FRMD4B: variants seen among roughly 807,000 people sequenced by gnomAD.
FRMD4B encodes the protein FERM domain-containing protein 4B.
Under a neutral mutation model 141.5 loss-of-function variants are expected in FRMD4B, and 74 were observed. That is an observed-to-expected ratio of 0.52 (90% CI 0.43 to 0.63). The LOEUF (loss-of-function observed/expected upper bound fraction) is 0.63. Among genes scored for constraint, FRMD4B ranks in the 30% least tolerant of loss-of-function variants. The probability of loss-of-function intolerance (pLI) is 0.00; values close to 1 mark genes in which losing one functional copy is unlikely to be tolerated. For missense variants in FRMD4B, 1,366 were observed against 1,253.4 expected (o/e 1.09, Z -1.36); for synonymous variants, 506 against 467.9 (o/e 1.08, Z -1.05).
chr3:69,521,837 C>T (rs1337600739), intron 1 of FRMD4B, among the ~76,000 whole-genome samples: 1 of 152,174 alleles, frequency 6.6e-6, no homozygotes, highest in Non-Finnish European at 1.5e-5. Context: ...AAATGTCGCT[C>T]CAAAGACAAA....
intron 1 of FRMD4B, among the ~76,000 whole-genome samples, chr3:69,380,763 C>A (rs1055073655): frequency 6.6e-6 from 1 of 152,172 alleles, no homozygotes; most frequent in African/African-American, 2.4e-5. Flanking sequence ...AAGTTGCCTC[C>A]TGTTGGAGGC....
intron 1 of FRMD4B, among the ~76,000 whole-genome samples, chr3:69,335,473 G>C (rs1490363571): frequency 6.7e-6 from 1 of 149,036 alleles, no homozygotes; most frequent in Non-Finnish European, 1.5e-5. Flanking sequence ...CCCGGTTCAA[G>C]CAATTCTCCT....
Position 69,475,380 on chromosome 3 carries a change from C to T in FRMD4B, c.-128-42619G>A, listed in dbSNP as rs563071356. 1.8e-3 allele frequency among the ~76,000 whole-genome samples: 266 copies of T among 151,182 alleles called. 2 individuals are homozygous for T. The highest frequency in any genetic ancestry group is 6.1e-3 in the African/African-American group (252 of 41,066). The stretch of plus-strand genomic sequence containing the variant: ...CTTCCCCCCACCCCACAACAGTCCC[C>T]AGAGTGTAACGTTCCCCTTCCGGTG... On this transcript the variant is annotated intron_variant, in intron 1 of 5. Transcript: ENST00000459638.
intron 11 of FRMD4B, among the ~76,000 whole-genome samples, chr3:69,214,884 T>TGAA (rs1491209714): frequency 7.6e-3 from 2 of 262 alleles, no homozygotes; most frequent in Non-Finnish European, 0.33. Flanking sequence ...TAATAATGAA[T>TGAA]TTTTTTTTTT....
chr3:69,225,994 C>T (rs958124504), intron 7 of FRMD4B, among the ~76,000 whole-genome samples: 2 of 152,126 alleles, frequency 1.3e-5, no homozygotes, highest in African/African-American at 4.8e-5. Flanking sequence ...CAACACACTT[C>T]TTGGGCATTA....
In FRMD4B at chr3:69,215,284, C is replaced by CTTTTTT. The variant is rs577275162; in HGVS notation, c.876+973_876+978dup. Among the ~76,000 whole-genome samples, 51 of 45,222 alleles carry CTTTTTT rather than the reference C, an allele frequency of 1.1e-3. 14 individuals carry two copies. Among genetic ancestry groups the CTTTTTT allele is most frequent in the Non-Finnish European group, 1.3e-3 (30 of 23,156 alleles). 29.7% of individuals were successfully genotyped at this position (45,222 alleles called of 152,430 possible). On this transcript the variant is annotated intron_variant, in intron 11 of 22. Coordinates refer to ENST00000398540, the MANE Select transcript of FRMD4B (RefSeq NM_015123.3). ...TCCAAATCTGATAGATTGTGACCCT[C>CTTTTTT]TTTTTTTTTTTTTTTTTTTTTTTTT...
chr3:69,453,461 A>G (rs1365559468), intron 1 of FRMD4B, among the ~76,000 whole-genome samples: 1 of 152,232 alleles, frequency 6.6e-6, no homozygotes, highest in Non-Finnish European at 1.5e-5. Flanking sequence ...GTAAAAGCAG[A>G]TTTCTTGGCT....
intron 1 of FRMD4B, among the ~76,000 whole-genome samples, chr3:69,530,477 G>A (rs1163689945): frequency 1.3e-5 from 2 of 151,924 alleles, no homozygotes; most frequent in Non-Finnish European, 2.9e-5. Context: ...ACCATAAGTG[G>A]AAACAGCCTG....
chr3:69,519,963 T>C (rs1266852096), intron 1 of FRMD4B, among the ~76,000 whole-genome samples: 4 of 146,614 alleles, frequency 2.7e-5, no homozygotes, highest in Non-Finnish European at 6.0e-5. Context: ...GAGAATGCCA[T>C]TAATTCATTC....
chr3:69,528,375 CT>C (rs1312411110), intron 1 of FRMD4B, among the ~76,000 whole-genome samples: 22 of 129,140 alleles, frequency 1.7e-4, no homozygotes, highest in Admixed American at 2.4e-4. Context: ...TCTTTTTTTT[CT>C]TTTTTTGAGA....
At chr3:69,251,602 C>A (rs1405598125) in intron 5 of FRMD4B, among the ~76,000 whole-genome samples, 1 of 152,188 alleles carries the variant, frequency 6.6e-6, no homozygotes, top group Non-Finnish European at 1.5e-5. Context: ...ACACACAGGC[C>A]GCCCTTCTGA....
intron 4 of FRMD4B, among the ~76,000 whole-genome samples, chr3:69,301,222 G>C (rs1280386151): frequency 6.6e-6 from 1 of 152,196 alleles, no homozygotes; most frequent in East Asian, 1.9e-4. Flanking sequence ...TCAAACTTAG[G>C]AAAGTGGGGA....
chr3:69,344,408 G>C (rs1203599966), intron 1 of FRMD4B, among the ~76,000 whole-genome samples: 1 of 152,192 alleles, frequency 6.6e-6, no homozygotes, highest in African/African-American at 2.4e-5. Context: ...GTTAAACACA[G>C]TGACAGATAG....
intron 11 of FRMD4B, among the ~76,000 whole-genome samples, chr3:69,214,962 C>T (rs567011470): frequency 2.0e-5 from 3 of 152,108 alleles, no homozygotes; most frequent in Admixed American, 6.5e-5. Context: ...TCACTGCAAC[C>T]TCTGCCTCCC....
chr3:69,410,669 G>A (rs902655718), intron 2 of FRMD4B, among the ~76,000 whole-genome samples: 5 of 144,396 alleles, frequency 3.5e-5, no homozygotes, highest in Admixed American at 2.1e-4. Flanking sequence ...TAAAAGTAAT[G>A]CCTGAAAGGT....
At chr3:69,265,511 C>A (rs1200789355) in intron 5 of FRMD4B, among the ~76,000 whole-genome samples, 2 of 135,902 alleles carry the variant, frequency 1.5e-5, no homozygotes, top group Admixed American at 7.9e-5. Flanking sequence ...TGCAGTGGCG[C>A]GATCTCGGCT....
Position 69,221,901 on chromosome 3 carries a change from A to G in FRMD4B, c.688T>C (p.Tyr230His), listed in dbSNP as rs765384022. The G allele has an allele frequency of 1.8e-5, 28 of 1,559,344 alleles. No individual in the cohort carries two copies. Among genetic ancestry groups the G allele is most frequent in the Non-Finnish European group, 2.5e-5 (28 of 1,136,080 alleles). Residue 230 changes from tyrosine (Y) to histidine (H), a missense_variant, in exon 9 of 23, where the codon TAT becomes CAT. Tyr to His is a moderately conservative substitution (Grantham distance 83). Coordinates refer to ENST00000398540, the MANE Select transcript of FRMD4B (RefSeq NM_015123.3). ...AYCEDRVIEH[Y>H]LKIKGLTRGQ... ...CGAGTGAGACCTTTGATTTTCAAATAATGCTCAATTACCCTGTCCTCACTG... is the reference window on the plus strand; with the variant it reads ...CGAGTGAGACCTTTGATTTTCAAATGATGCTCAATTACCCTGTCCTCACTG...
At chr3:69,455,510 C>G (rs574416713) in intron 1 of FRMD4B, among the ~76,000 whole-genome samples, 3 of 152,294 alleles carry the variant, frequency 2.0e-5, no homozygotes, top group Admixed American at 1.3e-4. Flanking sequence ...TGCAGCTTCC[C>G]TTCTGAAGCC....
At chr3:69,225,318 C>G (rs72932169) in intron 7 of FRMD4B, among the ~76,000 whole-genome samples, 22,222 of 151,644 alleles carry the variant, frequency 0.15, 2,055 homozygotes, top group East Asian at 0.35. Context: ...TAGCTATTAT[C>G]TAATTATAAA....
Sources: allele counts gnomAD v4.1 joint callset (sites outside exome capture counted in the v4.1 genomes callset), GRCh38; gene constraint gnomAD v4.1.1; transcripts MANE v1.5; gene names NCBI Gene and HGNC (gene_info 2026-07-23, HGNC 2026-07-21).